SLC36A1: variants seen among roughly 807,000 people sequenced by gnomAD.
SLC36A1 encodes solute carrier family 36 member 1, also known as proton-coupled amino acid transporter 1.
In SLC36A1, 30 loss-of-function variants were observed where a neutral mutation model predicts 47.5. The observed-to-expected ratio is 0.63, with a 90% CI of 0.47 to 0.86. The LOEUF (loss-of-function observed/expected upper bound fraction) is 0.86. Among genes scored for constraint, SLC36A1 ranks in the 40% least tolerant of loss-of-function variants. The pLI is 0.00. For synonymous variants in SLC36A1, 255 were observed against 249.7 expected, an observed-to-expected ratio of 1.02 and a Z score of -0.20; for missense variants, 517 against 606.0, an observed-to-expected ratio of 0.85 and a Z score of 1.54.
At chr5:151,382,192 G>A in the SLC36A1 span, 1,157 of 1,134,930 alleles carry the variant, frequency 1.0e-3, 6 homozygotes, top group African/African-American at 0.014. Context: ...AATGAGCAGC[G>A]TCTGATGTCC....
At position 151,491,389 on chromosome 5, in the gene SLC36A1, C is replaced by G. The variant is rs1177888806; in HGVS notation, c.*3135C>G. On this transcript the variant is annotated 3_prime_UTR_variant, in exon 11 of 11. Coordinates refer to ENST00000243389, the MANE Select transcript of SLC36A1 (RefSeq NM_078483.4). Reference sequence around the variant, plus strand: ...CCCAATTCCATCTCTCCTCTGCAGCCAGATTCACTGGCTGATGCTCACTGC... The same window carrying G: ...CCCAATTCCATCTCTCCTCTGCAGCGAGATTCACTGGCTGATGCTCACTGC... The G allele has an allele frequency of 6.6e-6, 1 of 152,670 alleles. No individual in the cohort carries two copies. The highest frequency in any genetic ancestry group is 1.5e-5 in the Non-Finnish European group (1 of 68,052). 9.5% of individuals were successfully genotyped at this position (152,670 alleles called of 1,614,324 possible).
rs1396542672 is a variant in SLC36A1 at position 151,463,608 on chromosome 5, G to T, written c.199G>T (p.Gly67Ter). 1.2e-6 allele frequency: 2 copies of T among 1,614,032 alleles called. No individual in the cohort carries two copies. The highest frequency in any genetic ancestry group is 2.7e-5 in the African/African-American group (2 of 74,898). ...LKGNIGTGLLGLPLAVKNAGI... is the reference protein window; with the variant it reads ...LKGNIGTGLL ...AGGCAACATTGGCACAGGACTCCTG[G>T]GACTCCCTCTGGCGGTGAAAAATGC... The change falls in exon 3 of 11, where the codon GGA becomes TGA. Residue 67 changes from glycine (G) to a stop codon, truncating the protein, a stop_gained. Coordinates refer to ENST00000243389, the MANE Select transcript of SLC36A1 (RefSeq NM_078483.4). LOFTEE classifies it high-confidence loss of function.
chr5:151,521,472 G>A, the SLC36A1 span: 17 of 1,614,198 alleles, frequency 1.1e-5, no homozygotes, highest in South Asian at 1.5e-4. Flanking sequence ...CCATCTCCTT[G>A]GCTGAGTGAG....
At chr5:151,403,135 A>G in the SLC36A1 span, among the ~76,000 whole-genome samples, 1 of 152,068 alleles carries the variant, frequency 6.6e-6, no homozygotes, top group Non-Finnish European at 1.5e-5. Context: ...TTCTTGGTGT[A>G]GGCATTTAGT....
At chr5:151,402,047 G>A in the SLC36A1 span, among the ~76,000 whole-genome samples, 3 of 152,278 alleles carry the variant, frequency 2.0e-5, no homozygotes, top group East Asian at 5.8e-4. Context: ...GGTGAGAATG[G>A]CCATACTAGT....
At chr5:151,507,521 C>T in the SLC36A1 span, 1 of 1,614,118 alleles carries the variant, frequency 6.2e-7, no homozygotes, top group Non-Finnish European at 8.5e-7. Context: ...CTGTGATGAT[C>T]AGTAACTCCT....
At chr5:151,480,188 T>G in intron 10 of SLC36A1, 2 of 674,430 alleles carry the variant, frequency 3.0e-6, no homozygotes, top group Non-Finnish European at 4.4e-6. Flanking sequence ...AGCAAATCGG[T>G]TGATAATAGC....
intron 1 of SLC36A1, among the ~76,000 whole-genome samples, chr5:151,439,960 T>C (rs1309929423): frequency 6.6e-6 from 1 of 152,246 alleles, no homozygotes; most frequent in Non-Finnish European, 1.5e-5. Context: ...TCAGCACTTG[T>C]GCCACTTAAT....
chr5:151,385,009 A>AGAGAGAGAGTGT, the SLC36A1 span, among the ~76,000 whole-genome samples: 6 of 128,466 alleles, frequency 4.7e-5, no homozygotes, highest in African/African-American at 1.8e-4. Context: ...AGAGAGAGAG[A>AGAGAGAGAGTGT]GTGTGTGTGT....
chr5:151,498,515 G>A, the SLC36A1 span, among the ~76,000 whole-genome samples: 1 of 152,166 alleles, frequency 6.6e-6, no homozygotes, highest in Non-Finnish European at 1.5e-5. Flanking sequence ...TTCCAAAGCG[G>A]TGAAGCCAGG....
the SLC36A1 span, chr5:151,377,977 C>A: frequency 5.7e-6 from 1 of 174,670 alleles, no homozygotes; most frequent in East Asian, 1.5e-4. Flanking sequence ...CCCGTAATCT[C>A]TATCTTTTAA....
At chr5:151,427,730 T>A in the SLC36A1 span, among the ~76,000 whole-genome samples, 2 of 152,108 alleles carry the variant, frequency 1.3e-5, no homozygotes, top group Admixed American at 6.5e-5. Context: ...GGGACCCCTG[T>A]GCAGCAACTT....
At chr5:151,538,524 G>A in the SLC36A1 span, among the ~76,000 whole-genome samples, 2 of 152,182 alleles carry the variant, frequency 1.3e-5, no homozygotes, top group Non-Finnish European at 2.9e-5. Context: ...GCATCTGAGG[G>A]AGTGGCAGAG....
chr5:151,474,062 A>G (rs1237466436), intron 8 of SLC36A1, among the ~76,000 whole-genome samples: 1 of 148,978 alleles, frequency 6.7e-6, no homozygotes, highest in Non-Finnish European at 1.5e-5. Context: ...CGAGAGGCTG[A>G]GGCAGGAGAA....
intron 8 of SLC36A1, among the ~76,000 whole-genome samples, chr5:151,474,755 C>G (rs1205532523): frequency 6.6e-6 from 1 of 152,132 alleles, no homozygotes; most frequent in East Asian, 1.9e-4. Context: ...TCACTTTTAC[C>G]TAATTTGAAT....
At chr5:151,382,402 C>T in the SLC36A1 span, 1 of 674,930 alleles carries the variant, frequency 1.5e-6, no homozygotes, top group South Asian at 1.8e-5. Flanking sequence ...TGCCCTGACT[C>T]CAGGCAAGCT....
the SLC36A1 span, among the ~76,000 whole-genome samples, chr5:151,409,389 C>T: frequency 1.3e-5 from 2 of 152,124 alleles, no homozygotes. Context: ...CATCAAGCCT[C>T]CTTTTACTTA....
the SLC36A1 span, chr5:151,544,739 G>C: frequency 1.2e-6 from 2 of 1,614,164 alleles, no homozygotes; most frequent in Non-Finnish European, 1.7e-6. Context: ...TAATCAAAGG[G>C]TTTCTTGAGT....
the SLC36A1 span, among the ~76,000 whole-genome samples, chr5:151,535,324 G>A: frequency 6.6e-6 from 1 of 151,912 alleles, no homozygotes; most frequent in African/African-American, 2.4e-5. Context: ...CTGCCCCAAA[G>A]CAAGATTCCC....
Sources: gnomAD v4.1 joint callset for allele counts (sites outside exome capture counted in the v4.1 genomes callset) on GRCh38, gnomAD v4.1.1 for gene constraint, MANE v1.5 for transcripts, NCBI Gene and HGNC (gene_info 2026-07-23, HGNC 2026-07-21) for gene names.